The following TRIM58 variants were observed in gnomAD, a reference collection of about 807,000 sequenced individuals.
TRIM58 encodes the protein E3 ubiquitin-protein ligase TRIM58.
A neutral mutation model predicts 34.1 loss-of-function variants in TRIM58; 38 were observed. The ratio of observed to expected loss-of-function variants is 1.12; its 90% CI spans 0.86 to 1.46. The LOEUF (loss-of-function observed/expected upper bound fraction) is 1.46, where lower values mean the gene tolerates loss of function less well. TRIM58 is among the 40% of genes most tolerant of loss of function. The probability of loss-of-function intolerance (pLI) is 0.00; values close to 1 mark genes in which losing one functional copy is unlikely to be tolerated. For missense variants in TRIM58, 677 were observed against 642.0 expected, an observed-to-expected ratio of 1.05 and a Z score of -0.59; for synonymous variants, 273 against 275.7, an observed-to-expected ratio of 0.99 and a Z score of 0.10.
At chr1:247,859,939 C>T (rs1663745820) in intron 1 of TRIM58, among the ~76,000 whole-genome samples, 1 of 151,916 alleles carries the variant, frequency 6.6e-6, no homozygotes, top group South Asian at 2.1e-4. Flanking sequence ...TATTCATTAC[C>T]AGCACATTTT....
intron 5 of TRIM58, among the ~76,000 whole-genome samples, chr1:247,872,963 C>T (rs932426307): frequency 2.6e-5 from 4 of 152,176 alleles, no homozygotes; most frequent in African/African-American, 9.7e-5. Context: ...GGCGCGGTGG[C>T]TCACGCCTGT....
chr1:247,860,520 G>C (rs927361751), intron 1 of TRIM58, 97 bp from the exon 2 acceptor site: 1 of 774,864 alleles, frequency 1.3e-6, no homozygotes, highest in Non-Finnish European at 2.1e-6. Flanking sequence ...GTGCTTTCTA[G>C]GGACTGTTTA....
intron 1 of TRIM58, 124 bp downstream of exon 1, chr1:247,857,790 G>A (rs1207988363): frequency 3.5e-5 from 41 of 1,172,074 alleles, no homozygotes; most frequent in Non-Finnish European, 4.3e-5. Context: ...CCCCCACCGC[G>A]CGCCGTCCCC....
Position 247,864,743 on chromosome 1 carries a change from G to T in TRIM58, c.555G>T (p.Glu185Asp). ...VEMQRQRFRL[E>D]FEKHRGFLAQ... ...TGCAGAGGCAGCGCTTCAGATTGGA[G>T]TTTGAGAAGCATCGTGGCTTTCTGG... Residue 185 changes from glutamate (E) to aspartate (D), a missense_variant, in exon 3 of 6, where the codon GAG becomes GAT. By Grantham distance (45) the Glu-to-Asp change is conservative (BLOSUM62 2). Coordinates refer to ENST00000366481, the MANE Select transcript of TRIM58 (RefSeq NM_015431.4). 1 of 1,614,216 alleles carries T rather than the reference G, an allele frequency of 6.2e-7. No individual in the cohort carries two copies. The highest frequency in any genetic ancestry group is 8.5e-7 in the Non-Finnish European group (1 of 1,180,052).
At chr1:247,867,289 C>T (rs888097710) in intron 3 of TRIM58, among the ~76,000 whole-genome samples, 1 of 152,178 alleles carries the variant, frequency 6.6e-6, no homozygotes, top group Non-Finnish European at 1.5e-5. Context: ...GTCTGAATTA[C>T]ATGCAGAATG....
Position 247,860,686 on chromosome 1 carries a change from G to A in TRIM58, c.490G>A (p.Val164Met), listed in dbSNP as rs201462673. ...LEDALTQEAN[V>M]GKKTVIWKEK... ...GGACGCCTTGACTCAGGAGGCCAAC[G>A]TGGGGAAAAAGACTGTCATTTGGAA... Residue 164 changes from valine to methionine, a missense_variant, in exon 2 of 6, where the codon GTG becomes ATG. Coordinates refer to ENST00000366481, the MANE Select transcript of TRIM58 (RefSeq NM_015431.4). 155 of 1,613,704 alleles carry A rather than the reference G, an allele frequency of 9.6e-5. No individual in the cohort carries two copies. The East Asian group carries it at 2.4e-3, about 25-fold the overall frequency.
chr1:247,878,756 A>G lies in TRIM58; in HGVS notation c.*2267A>G, dbSNP rs1659346363. ...AGGATGGAATGAGTGTCCCAGTCCCAGGAGTATCCATTTCCCACTGTGTAG... is the reference window on the plus strand; with the variant it reads ...AGGATGGAATGAGTGTCCCAGTCCCGGGAGTATCCATTTCCCACTGTGTAG... On this transcript the variant is annotated 3_prime_UTR_variant, in exon 6 of 6. Coordinates refer to ENST00000366481, the MANE Select transcript of TRIM58 (RefSeq NM_015431.4). Among the ~76,000 whole-genome samples the G allele has an allele frequency of 6.6e-6, 1 of 152,208 alleles. No individual in the cohort carries two copies. The highest frequency in any genetic ancestry group is 2.4e-5 in the African/African-American group (1 of 41,466).
intron 4 of TRIM58, 43 bp from the exon 5 acceptor site, chr1:247,867,920 T>TC (rs1663966966): frequency 6.2e-7 from 1 of 1,613,596 alleles, no homozygotes; most frequent in African/African-American, 1.3e-5. Flanking sequence ...GAGGAGCTGG[T>TC]GGAGAACCCT....
At chr1:247,873,076 C>T in intron 5 of TRIM58, among the ~76,000 whole-genome samples, 1 of 151,978 alleles carries the variant, frequency 6.6e-6, no homozygotes, top group East Asian at 1.9e-4. Context: ...ACTAAAAATA[C>T]AAAATTAGCC....
chr1:247,869,965 T>C (rs1357009051), intron 5 of TRIM58, among the ~76,000 whole-genome samples: 1 of 152,128 alleles, frequency 6.6e-6, no homozygotes, highest in African/African-American at 2.4e-5. Context: ...TAGTAAATGA[T>C]TTTTTGGAGG....
rs1663651651 is a variant in TRIM58 at position 247,857,268 on chromosome 1, G to T, written c.22G>T (p.Glu8Ter). ...GGTCATGGCCTGGGCGCCGCCCGGG[G>T]AGCGGCTGCGCGAGGATGCGCGGTG... is the stretch of plus-strand genomic sequence containing the variant. MAWAPPG[E>*]RLREDARCPV... Residue 8 changes from glutamate to a stop codon, truncating the protein, a stop_gained, in exon 1 of 6, where the codon GAG (glutamate) becomes TAG (stop). Transcript: ENST00000366481. LOFTEE classifies it high-confidence loss of function. 1.5e-6 allele frequency: 2 copies of T among 1,349,238 alleles called. No homozygotes were observed. The highest frequency in any genetic ancestry group is 3.7e-5 in the Admixed American group (1 of 26,854). The allele number at this position is 1,349,238 out of a possible 1,614,324, so 83.6% of individuals were successfully genotyped here.
chr1:247,860,865 C>G (rs967564444), intron 2 of TRIM58, among the ~76,000 whole-genome samples, 153 bp downstream of exon 2: 1 of 152,116 alleles, frequency 6.6e-6, no homozygotes. Context: ...TCATCCCGTC[C>G]CCTCAAATGA....
chr1:247,875,846 G>T, intron 5 of TRIM58, 54 bp from the exon 6 acceptor site: 1 of 1,499,978 alleles, frequency 6.7e-7, no homozygotes, highest in Non-Finnish European at 9.0e-7. Context: ...GGTTTCCTAA[G>T]TTTCTACCAG....
chr1:247,859,286 C>T (rs910588717), intron 1 of TRIM58, among the ~76,000 whole-genome samples: 1 of 152,040 alleles, frequency 6.6e-6, no homozygotes, highest in Non-Finnish European at 1.5e-5. Flanking sequence ...TTTCTTTGGC[C>T]TGAGGGAGCT....
At chr1:247,860,548 C>A (rs1663762707) in intron 1 of TRIM58, 69 bp from the exon 2 acceptor site, 3 of 1,081,962 alleles carry the variant, frequency 2.8e-6, no homozygotes, top group South Asian at 1.4e-5. Context: ...TTTTGTATTT[C>A]CTCACACATC....
At chr1:247,869,803 T>C (rs112567654) in intron 5 of TRIM58, among the ~76,000 whole-genome samples, 1 of 152,058 alleles carries the variant, frequency 6.6e-6, no homozygotes, top group African/African-American at 2.4e-5. Context: ...CAAAGACAAA[T>C]AGGAACAAAG....
rs1373525252 is a variant in TRIM58, at chr1:247,857,206, G to C, written c.-41G>C. The C allele has an allele frequency of 3.8e-6, 5 of 1,304,390 alleles. No homozygotes were observed. Among genetic ancestry groups the C allele is most frequent in the East Asian group, 3.1e-5 (1 of 31,874 alleles). 80.8% of individuals were successfully genotyped at this position (1,304,390 alleles called of 1,614,324 possible). ...CCCTGTGCAGACCGCGAGGGGAGAC[G>C]GTGCGGGCGGCCGGGAGCGCAGCCC... On this transcript the variant is annotated 5_prime_UTR_variant, in exon 1 of 6. Transcript: ENST00000366481.
At chr1:247,866,497 A>G (rs1336373032) in intron 3 of TRIM58, among the ~76,000 whole-genome samples, 1 of 152,128 alleles carries the variant, frequency 6.6e-6, no homozygotes, top group African/African-American at 2.4e-5. Context: ...AATTTCAACA[A>G]TAGTATTTAT....
Position 247,857,341 on chromosome 1 carries a change from G to A in TRIM58, c.95G>A (p.Gly32Asp). ...CAGGAGCCGGTCAGCGTGGACTGCG[G>A]CCACAGCTTCTGCCTCAGGTGCATC... is the stretch of plus-strand genomic sequence containing the variant. ...FLQEPVSVDC[G>D]HSFCLRCISE... Residue 32 changes from glycine (G) to aspartate (D), a missense_variant, in exon 1 of 6, where the codon GGC becomes GAC. Coordinates refer to ENST00000366481, the MANE Select transcript of TRIM58 (RefSeq NM_015431.4). The A allele has an allele frequency of 6.6e-7, 1 of 1,505,510 alleles. No homozygotes were observed. Among genetic ancestry groups the A allele is most frequent in the South Asian group, 1.3e-5 (1 of 77,020 alleles). 93.3% of individuals were successfully genotyped at this position (1,505,510 alleles called of 1,614,324 possible).
Sources: gnomAD v4.1 joint callset for allele counts (sites outside exome capture counted in the v4.1 genomes callset) on GRCh38, gnomAD v4.1.1 for gene constraint, MANE v1.5 for transcripts, NCBI Gene and HGNC (gene_info 2026-07-23, HGNC 2026-07-21) for gene names.